The following MX2 variants were observed in gnomAD, a reference collection of about 807,000 sequenced individuals.
MX2 encodes MX dynamin like GTPase 2.
Under a neutral mutation model 74.0 loss-of-function variants are expected in MX2, and 51 were observed. That is an observed-to-expected ratio of 0.69 (90% CI 0.55 to 0.87). The LOEUF (loss-of-function observed/expected upper bound fraction) is 0.87. Among genes scored for constraint, MX2 ranks in the 40% least tolerant of loss-of-function variants. MX2 has a pLI of 0.00. For synonymous variants in MX2, 369 were observed against 339.3 expected (o/e 1.09, Z -0.96); for missense variants, 832 against 908.7 (o/e 0.92, Z 1.09).
intron 3 of MX2, among the ~76,000 whole-genome samples, chr21:41,378,336 A>AGAGACAGGCCG (rs1568935833): frequency 4.7e-5 from 4 of 84,298 alleles, no homozygotes; most frequent in African/African-American, 3.9e-4. Flanking sequence ...GAGACAGGCC[A>AGAGACAGGCCG]CTGGGAGGGC....
intron 6 of MX2, among the ~76,000 whole-genome samples, chr21:41,393,792 C>G (rs2089695946): frequency 6.6e-6 from 1 of 152,174 alleles, no homozygotes; most frequent in African/African-American, 2.4e-5. Context: ...GCCAATGTCT[C>G]CAGTTAAACG....
rs1374807847 is a variant in MX2 at position 41,402,314 on chromosome 21, G to A, written c.1573+186G>A. Reference sequence around the variant, plus strand: ...ACTGGCAAGGCCTGAGAGCTGGTCAGAGCTACCGATTCTGCCCTTCTGCCT... The same window carrying A: ...ACTGGCAAGGCCTGAGAGCTGGTCAAAGCTACCGATTCTGCCCTTCTGCCT... On this transcript the variant is annotated intron_variant, in intron 11 of 13. Coordinates refer to ENST00000330714, the MANE Select transcript of MX2 (RefSeq NM_002463.2). This position sits in a 1 kb window ranked among gnomAD's most constrained non-coding sequence, Gnocchi z 4.5. The A allele has an allele frequency of 3.2e-6, 2 of 622,340 alleles. No homozygotes were observed. Among genetic ancestry groups the A allele is most frequent in the Non-Finnish European group, 5.1e-6 (2 of 391,510 alleles). 38.6% of individuals were successfully genotyped at this position (622,340 alleles called of 1,614,324 possible).
rs1474561922 is a variant in MX2 at position 41,402,112 on chromosome 21, G to A, written c.1557G>A (p.Met519Ile). The A allele has an allele frequency of 6.2e-7, 1 of 1,613,236 alleles. No homozygotes were observed. The highest frequency in any genetic ancestry group is 2.2e-5 in the East Asian group (1 of 44,872). Reference protein sequence around the residue: ...IQQLVEPALSMLQKAMEIIQQ... With the variant: ...IQQLVEPALSILQKAMEIIQQ... ...AGCTGGTGGAGCCCGCCCTTAGCAT[G>A]CTCCAGAAAGCCATGGGTGAGGACT... is the stretch of plus-strand genomic sequence containing the variant. Residue 519 changes from methionine (M) to isoleucine (I), a missense_variant, in exon 11 of 14, where the codon ATG (methionine) becomes ATA (isoleucine). Coordinates refer to ENST00000330714, the MANE Select transcript of MX2 (RefSeq NM_002463.2). This position sits in a 1 kb window ranked among gnomAD's most constrained non-coding sequence, Gnocchi z 4.5.
At chr21:41,392,585 C>T (rs537670392) in intron 6 of MX2, among the ~76,000 whole-genome samples, 3 of 152,158 alleles carry the variant, frequency 2.0e-5, no homozygotes, top group East Asian at 1.9e-4. Flanking sequence ...TGGAGATGGA[C>T]GGTGGTGATG....
chr21:41,399,886 G>C (rs2089788686), intron 10 of MX2: 1 of 153,272 alleles, frequency 6.5e-6, no homozygotes, highest in African/African-American at 2.4e-5. Context: ...TGGTTTTGAG[G>C]CTAAATGGCA....
chr21:41,407,586 C>A (rs1188029236), intron 13 of MX2, among the ~76,000 whole-genome samples: 2 of 152,178 alleles, frequency 1.3e-5, no homozygotes, highest in African/African-American at 2.4e-5. Context: ...GGTTTCCCAG[C>A]CATGGGCACC....
Position 41,363,440 on chromosome 21 carries a change from A to G in MX2, c.-72+1385A>G, listed in dbSNP as rs919159335. On this transcript the variant is annotated intron_variant, in intron 1 of 13. Coordinates refer to ENST00000330714, the MANE Select transcript of MX2 (RefSeq NM_002463.2). This position sits in a 1 kb window ranked among gnomAD's most constrained non-coding sequence, Gnocchi z 4.2. ...ATGTATGTGAGCTTTATTTAGGTTT[A>G]GCCCCTGCCCTAGAATGCAAGCTCC... 3 of 152,238 alleles carry G rather than the reference A, an allele frequency of 2.0e-5. No individual in the cohort carries two copies. The highest frequency in any genetic ancestry group is 7.2e-5 in the African/African-American group (3 of 41,420). The allele number at this position is 152,238 out of a possible 1,614,324, so 9.4% of individuals were successfully genotyped here.
rs201440007 is a variant in MX2 at position 41,406,950 on chromosome 21, G to A, written c.1857G>A (p.Ser619=). 149 of 1,613,744 alleles carry A rather than the reference G, an allele frequency of 9.2e-5. No homozygotes were observed. In the East Asian group the frequency reaches 9.6e-4, roughly 10 times the overall value. ...CTCATTTTCCCAGTAATGAGTCTTC[G>A]GTTTCCTCCTTTACTGAAATAGGCA... ...LNSHFPSNES[S]VSSFTEIGIH... The change falls in exon 13 of 14, where the codon TCG becomes TCA. Residue 619 remains serine, a synonymous_variant. Coordinates refer to ENST00000330714, the MANE Select transcript of MX2 (RefSeq NM_002463.2).
chr21:41,408,389 G>A lies in MX2; in HGVS notation c.*156G>A. 2 of 1,021,660 alleles carry A rather than the reference G, an allele frequency of 2.0e-6. No homozygotes were observed. Among genetic ancestry groups the A allele is most frequent in the Non-Finnish European group, 1.4e-6 (1 of 718,828 alleles). The allele number at this position is 1,021,660 out of a possible 1,614,324, so 63.3% of individuals were successfully genotyped here. A position where few individuals can be genotyped will look rare whatever the true frequency, so the allele number is the denominator to read the frequency against. ...CTCAGCATCAGAGCATGCATCAGGG[G>A]TCCACACAGGCTCAGCTCTCTCCAC... On this transcript the variant is annotated 3_prime_UTR_variant, in exon 14 of 14. Transcript: ENST00000330714.
chr21:41,386,782 AT>A (rs2089583858), intron 5 of MX2, among the ~76,000 whole-genome samples: 1 of 152,104 alleles, frequency 6.6e-6, no homozygotes, highest in African/African-American at 2.4e-5. Context: ...ATCCTCCTCC[AT>A]GTTCCTGGAA....
intron 11 of MX2, 144 bp from the exon 12 acceptor site, chr21:41,403,123 C>A (rs879113034): frequency 4.7e-6 from 3 of 634,318 alleles, no homozygotes; most frequent in African/African-American, 3.7e-5. Context: ...TCTCCTATCG[C>A]GGTTTGCAGG....
intron 1 of MX2, among the ~76,000 whole-genome samples, chr21:41,376,403 G>A (rs2089402519): frequency 6.6e-6 from 1 of 152,084 alleles, no homozygotes; most frequent in Non-Finnish European, 1.5e-5. Flanking sequence ...AAAACTAGCT[G>A]GGCATGGTGG....
chr21:41,396,892 C>A (rs906630481), intron 7 of MX2, among the ~76,000 whole-genome samples: 27 of 152,224 alleles, frequency 1.8e-4, no homozygotes, highest in African/African-American at 5.8e-4. Flanking sequence ...CTGCTCTGCC[C>A]TGAGGCCGGG....
Position 41,382,645 on chromosome 21 carries a change from C to A in MX2, c.732+81C>A. ...GGTCCCCAGGGTCCTGGTGTACCTC[C>A]TGGAGCCTTTACACTGAGGGATGAG... is the stretch of plus-strand genomic sequence containing the variant. On this transcript the variant is annotated intron_variant, in intron 5 of 13. Coordinates refer to ENST00000330714, the MANE Select transcript of MX2 (RefSeq NM_002463.2). The A allele has an allele frequency of 6.4e-6, 10 of 1,559,290 alleles. No homozygotes were observed. In the South Asian group the frequency reaches 1.2e-4, roughly 18 times the overall value.
At chr21:41,403,636 GGTAGGCTGAATCTTTTTCAA>G in intron 12 of MX2, 1 of 648,952 alleles carries the variant, frequency 1.5e-6, no homozygotes, top group South Asian at 1.4e-5. Context: ...AGGACTGGCT[GGTAGGCTGAATCTTTTTCAA>G]GCATAAAGCA....
intron 1 of MX2, among the ~76,000 whole-genome samples, chr21:41,372,350 T>G (rs1378403362): frequency 1.3e-5 from 2 of 152,260 alleles, no homozygotes; most frequent in Non-Finnish European, 2.9e-5. Context: ...ACAGGTGTTC[T>G]GAGATGACCA....
intron 3 of MX2, 115 bp downstream of exon 3, chr21:41,378,096 A>G: frequency 7.7e-7 from 1 of 1,303,336 alleles, no homozygotes; most frequent in Non-Finnish European, 1.0e-6. Context: ...AGAGCTGGGA[A>G]AGACAGGACG....
intron 12 of MX2, 166 bp downstream of exon 12, chr21:41,403,509 C>T: frequency 1.3e-6 from 1 of 749,466 alleles, no homozygotes; most frequent in East Asian, 2.6e-5. Flanking sequence ...ACTCCAGGAG[C>T]ACCTGCCTGC....
At chr21:41,396,188 C>A (rs1225878182) in intron 7 of MX2, among the ~76,000 whole-genome samples, 1 of 152,182 alleles carries the variant, frequency 6.6e-6, no homozygotes. Flanking sequence ...TCCAGAAACC[C>A]GTGTGTACCA....
Sources: gnomAD v4.1 joint callset for allele counts (sites outside exome capture counted in the v4.1 genomes callset) on GRCh38, gnomAD v4.1.1 for gene constraint, Gnocchi (gnomAD v3.1) non-coding constraint, MANE v1.5 for transcripts, NCBI Gene and HGNC (gene_info 2026-07-23, HGNC 2026-07-21) for gene names.